Variants in ABAT observed in about 807,000 individuals in gnomAD.
ABAT encodes 4-aminobutyrate aminotransferase, mitochondrial.
In ABAT, 45 loss-of-function variants were observed where a neutral mutation model predicts 64.6. That is an observed-to-expected ratio of 0.70 (90% CI 0.55 to 0.89). The LOEUF (loss-of-function observed/expected upper bound fraction) is 0.89. Ranked by LOEUF, ABAT falls within the 40% of genes least tolerant of loss-of-function variation. The pLI is 0.00. For missense variants in ABAT, 633 were observed against 658.4 expected (o/e 0.96, Z 0.42); for synonymous variants, 297 against 250.5 (o/e 1.19, Z -1.75).
chr16:8,736,019 C>T (rs931435799), intron 2 of ABAT: 13 of 561,464 alleles, frequency 2.3e-5, no homozygotes, highest in Middle Eastern at 4.8e-4. Context: ...TTAATGGTCT[C>T]ACAGTTTCAT....
At chr16:8,710,272 G>C (rs959283054) in intron 1 of ABAT, among the ~76,000 whole-genome samples, 8 of 152,202 alleles carry the variant, frequency 5.3e-5, no homozygotes, top group African/African-American at 1.9e-4. Context: ...TATAGCTTTT[G>C]TTACATGTAT....
intron 11 of ABAT, among the ~76,000 whole-genome samples, chr16:8,770,735 G>A (rs566001474): frequency 7.9e-5 from 12 of 152,294 alleles, no homozygotes; most frequent in Admixed American, 3.9e-4. Context: ...GCCACCGTGC[G>A]TGGCCAGGAG....
intron 1 of ABAT, among the ~76,000 whole-genome samples, chr16:8,710,855 C>T (rs2058055880): frequency 1.3e-5 from 2 of 152,182 alleles, no homozygotes; most frequent in Non-Finnish European, 2.9e-5. Flanking sequence ...GTTTACTTCA[C>T]TCTCTGGTTA....
At chr16:8,697,027 C>T (rs6497327) in intron 1 of ABAT, among the ~76,000 whole-genome samples, 74,004 of 151,930 alleles carry the variant, frequency 0.49, 18,802 homozygotes, top group East Asian at 0.79. Flanking sequence ...TGCGTGCTGG[C>T]GGAGAGGGAC....
rs927287027 is a variant in ABAT at position 8,776,817 on chromosome 16, G to C, written c.1269+327G>C. Among the ~76,000 whole-genome samples, 1 of 152,074 alleles carries C rather than the reference G, an allele frequency of 6.6e-6. No individual in the cohort carries two copies. The highest frequency in any genetic ancestry group is 6.6e-5 in the Admixed American group (1 of 15,258). On this transcript the variant is annotated intron_variant, in intron 14 of 15. Transcript: ENST00000268251. This position sits in a 1 kb window ranked among gnomAD's most constrained non-coding sequence, Gnocchi z 4.4. The stretch of plus-strand genomic sequence containing the variant: ...CGGCCTTGAACTCCTGGCCTCAAAC[G>C]ATCCTTCCACCTCAGCCTCCCAAAG...
At chr16:8,711,873 T>C (rs2058085909) in intron 1 of ABAT, among the ~76,000 whole-genome samples, 1 of 151,806 alleles carries the variant, frequency 6.6e-6, no homozygotes, top group Admixed American at 6.6e-5. Context: ...GAGAGAAGGA[T>C]AGATGGATGA....
chr16:8,770,932 G>C lies in ABAT; in HGVS notation c.817-1848G>C, dbSNP rs975917819. Among the ~76,000 whole-genome samples, 6 of 152,028 alleles carry C rather than the reference G, an allele frequency of 3.9e-5. No homozygotes were observed. The South Asian group carries it at 6.2e-4, about 16-fold the overall frequency. On this transcript the variant is annotated intron_variant, in intron 11 of 15. Transcript: ENST00000268251. ...ATTTATTTAGGTCTAAACAAACTAA[G>C]ATAGTCCTTTTCTTCGTATTCAGTT...
At chr16:8,717,845 G>A (rs748166895) in intron 1 of ABAT, among the ~76,000 whole-genome samples, 1 of 151,494 alleles carries the variant, frequency 6.6e-6, no homozygotes, top group Non-Finnish European at 1.5e-5. Flanking sequence ...TTTAGAGATG[G>A]GGTCTCGCTC....
At chr16:8,680,418 T>A (rs949935001) in intron 1 of ABAT, among the ~76,000 whole-genome samples, 1 of 152,198 alleles carries the variant, frequency 6.6e-6, no homozygotes, top group Non-Finnish European at 1.5e-5. Context: ...TTTCATCATT[T>A]TATTTTTATG....
chr16:8,747,294 G>A (rs1447537329), intron 3 of ABAT, among the ~76,000 whole-genome samples: 3 of 152,086 alleles, frequency 2.0e-5, no homozygotes, highest in African/African-American at 7.2e-5. Context: ...TGCACATTTT[G>A]CATATTTTGT....
At chr16:8,726,257 T>C (rs1359022547) in intron 1 of ABAT, among the ~76,000 whole-genome samples, 1 of 116,428 alleles carries the variant, frequency 8.6e-6, no homozygotes, top group African/African-American at 3.0e-5. Context: ...TGCAAATGAC[T>C]AGATCTTTTT....
chr16:8,677,045 G>GA (rs1391972321), intron 1 of ABAT, among the ~76,000 whole-genome samples: 1 of 152,170 alleles, frequency 6.6e-6, no homozygotes, highest in Non-Finnish European at 1.5e-5. Context: ...CAAAGCATGA[G>GA]GAGGACCACG....
At chr16:8,720,118 G>A (rs1212350669) in intron 1 of ABAT, among the ~76,000 whole-genome samples, 1 of 152,148 alleles carries the variant, frequency 6.6e-6, no homozygotes. Context: ...CAGCCAAAAT[G>A]CACAATTTTA....
At chr16:8,710,296 T>C (rs984030603) in intron 1 of ABAT, among the ~76,000 whole-genome samples, 4 of 152,234 alleles carry the variant, frequency 2.6e-5, no homozygotes, top group Non-Finnish European at 4.4e-5. Context: ...GGATGTTTAG[T>C]ATTCAGAAGG....
intron 1 of ABAT, among the ~76,000 whole-genome samples, chr16:8,725,777 A>G (rs892845458): frequency 3.9e-5 from 6 of 152,150 alleles, no homozygotes; most frequent in African/African-American, 1.4e-4. Flanking sequence ...TGGGTCATGT[A>G]GTAGTAATTC....
At chr16:8,754,759 C>T (rs539093695) in intron 5 of ABAT, among the ~76,000 whole-genome samples, 1 of 150,658 alleles carries the variant, frequency 6.6e-6, no homozygotes, top group African/African-American at 2.5e-5. Context: ...CATTCTGTTG[C>T]CCAGGCTGGA....
intron 1 of ABAT, among the ~76,000 whole-genome samples, chr16:8,707,353 A>ATTTTTTTTTTTTTTTTTTTTTT (rs386384172): frequency 6.5e-5 from 8 of 123,932 alleles, no homozygotes; most frequent in South Asian, 2.8e-4. Flanking sequence ...TGCCAGGGTA[A>ATTTTTTTTTTTTTTTTTTTTTT]TTTTTTTTTT....
At chr16:8,768,080 A>G (rs777188476) in intron 9 of ABAT, 113 bp from the exon 10 acceptor site, 6 of 1,177,082 alleles carry the variant, frequency 5.1e-6, no homozygotes, top group Non-Finnish European at 7.6e-6. Flanking sequence ...TTGCCTGAGA[A>G]GGATTCCTGG....
At chr16:8,768,745 T>C (rs937361080) in intron 10 of ABAT, 80 bp from the exon 11 acceptor site, 2 of 1,598,544 alleles carry the variant, frequency 1.3e-6, no homozygotes, top group Non-Finnish European at 1.7e-6. Flanking sequence ...TGCGCTGAAA[T>C]GTCTATCATC....
Sources: gnomAD v4.1 joint callset for allele counts (sites outside exome capture counted in the v4.1 genomes callset) on GRCh38, gnomAD v4.1.1 for gene constraint, Gnocchi (gnomAD v3.1) non-coding constraint, MANE v1.5 for transcripts, NCBI Gene and HGNC (gene_info 2026-07-23, HGNC 2026-07-21) for gene names.